The following TEC variants were observed in gnomAD, a reference collection of about 807,000 sequenced individuals.
The protein encoded by TEC is tyrosine-protein kinase Tec.
Under a neutral mutation model 93.0 loss-of-function variants are expected in TEC, and 72 were observed. The observed-to-expected ratio is 0.77, with a 90% CI of 0.64 to 0.94. The LOEUF is 0.94. Among genes scored for constraint, TEC ranks in the 40% least tolerant of loss-of-function variants. The pLI, the probability that TEC is intolerant of heterozygous loss-of-function variation, is 0.00. For missense variants in TEC, 630 were observed against 757.9 expected (o/e 0.83, Z 1.98); for synonymous variants, 249 against 247.7 (o/e 1.01, Z -0.05).
rs150273344 is a variant in TEC, at chr4:48,150,895, C to T, written c.840G>A (p.Leu280=). The change falls in exon 10 of 18, where the codon TTG becomes TTA. Residue 280 remains leucine (L), a synonymous_variant. Coordinates refer to ENST00000381501, the MANE Select transcript of TEC (RefSeq NM_003215.3). ...ACTTGGTATAAAGGGAGACTGTGTACAAGCCTGGTTGACTGGAATCCCTTA... is the reference window on the plus strand; with the variant it reads ...ACTTGGTATAAAGGGAGACTGTGTATAAGCCTGGTTGACTGGAATCCCTTA... ...FMVRDSSQPG[L]YTVSLYTKFG... 3.8e-6 allele frequency: 6 copies of T among 1,587,930 alleles called. No homozygotes were observed. The highest frequency in any genetic ancestry group is 5.1e-6 in the Non-Finnish European group (6 of 1,168,666).
chr4:48,216,170 T>G (rs752119899), intron 2 of TEC, among the ~76,000 whole-genome samples: 9 of 151,682 alleles, frequency 5.9e-5, no homozygotes, highest in Non-Finnish European at 1.2e-4. Context: ...CTGCATTGAA[T>G]GGACTCTCTC....
rs117445750 is a variant in TEC at position 48,223,502 on chromosome 4, T to C, written c.138+4975A>G. Among the ~76,000 whole-genome samples, 359 of 152,344 alleles carry C rather than the reference T, an allele frequency of 2.4e-3. 5 individuals are homozygous for C. In the East Asian group the frequency reaches 0.037, roughly 16 times the overall value. Reference sequence around the variant, plus strand: ...GCAGGTTTTTAATTTTTCTAAGCCTTAGTTCTGCATTTTGAAATTAAGTCT... The same window carrying C: ...GCAGGTTTTTAATTTTTCTAAGCCTCAGTTCTGCATTTTGAAATTAAGTCT... On this transcript the variant is annotated intron_variant, in intron 2 of 17. Transcript: ENST00000381501.
At chr4:48,263,788 G>C (rs1041644149) in intron 1 of TEC, among the ~76,000 whole-genome samples, 18 of 152,156 alleles carry the variant, frequency 1.2e-4, no homozygotes, top group African/African-American at 4.1e-4. Context: ...TAAGATATAG[G>C]TTTTGCCCCC....
chr4:48,205,912 T>A (rs536196025), intron 2 of TEC, among the ~76,000 whole-genome samples: 1 of 152,294 alleles, frequency 6.6e-6, no homozygotes, highest in South Asian at 2.1e-4. Flanking sequence ...CTATTTCCAG[T>A]AGCCAAAAGG....
intron 2 of TEC, among the ~76,000 whole-genome samples, chr4:48,196,200 G>T (rs936128794): frequency 1.3e-5 from 2 of 152,176 alleles, no homozygotes; most frequent in Admixed American, 6.5e-5. Flanking sequence ...GAGTGGGGAA[G>T]ATCCCTACTC....
intron 14 of TEC, 146 bp downstream of exon 14, chr4:48,144,933 G>T: frequency 1.5e-6 from 1 of 675,714 alleles, no homozygotes; most frequent in Non-Finnish European, 2.6e-6. Flanking sequence ...AAAATTACAG[G>T]GCAAGTTAAA....
At chr4:48,162,004 T>C (rs902071611) in intron 8 of TEC, among the ~76,000 whole-genome samples, 6 of 152,326 alleles carry the variant, frequency 3.9e-5, no homozygotes, top group African/African-American at 1.2e-4. Context: ...CAGCTTGTGA[T>C]CGTGAGTCAG....
intron 1 of TEC, among the ~76,000 whole-genome samples, chr4:48,229,541 C>T (rs1345826946): frequency 7.9e-5 from 12 of 152,242 alleles, no homozygotes; most frequent in African/African-American, 2.9e-4. Flanking sequence ...GTTATCCCAG[C>T]ACTTTGGGCA....
chr4:48,233,027 A>G (rs1324681796), intron 1 of TEC, among the ~76,000 whole-genome samples: 1 of 152,176 alleles, frequency 6.6e-6, no homozygotes, highest in Admixed American at 6.5e-5. Context: ...CCTGGAAGAA[A>G]ACTAGAGGTT....
At chr4:48,146,753 T>C (rs1253595420) in intron 11 of TEC, among the ~76,000 whole-genome samples, 1 of 152,190 alleles carries the variant, frequency 6.6e-6, no homozygotes, top group Non-Finnish European at 1.5e-5. Context: ...TGACTCAGTA[T>C]TAGCAATCTT....
intron 2 of TEC, among the ~76,000 whole-genome samples, chr4:48,192,665 G>A (rs540532273): frequency 6.2e-4 from 95 of 152,210 alleles, no homozygotes; most frequent in African/African-American, 2.1e-3. Flanking sequence ...AAAAAAATGA[G>A]TAGAAAGATT....
At position 48,187,155 on chromosome 4, in the gene TEC, A is replaced by C. The variant is rs370054511; in HGVS notation, c.139-10969T>G. On this transcript the variant is annotated intron_variant, in intron 2 of 17. Transcript: ENST00000381501. ...CCCCCAACCCGGTGCTCTCTGAAAC[A>C]TGTGCTGTGTCCACTCAGGGTTAAA... Among the ~76,000 whole-genome samples, 136 of 152,320 alleles carry C rather than the reference A, an allele frequency of 8.9e-4. 1 individual carries two copies. The East Asian group carries it at 0.023, about 25-fold the overall frequency.
chr4:48,245,130 T>A (rs1724019844), intron 1 of TEC, among the ~76,000 whole-genome samples: 1 of 151,982 alleles, frequency 6.6e-6, no homozygotes, highest in African/African-American at 2.4e-5. Context: ...CCATCTCTAC[T>A]AAAAATACAA....
intron 9 of TEC, among the ~76,000 whole-genome samples, chr4:48,153,220 C>CA (rs530426762): frequency 2.5e-3 from 328 of 133,080 alleles, no homozygotes; most frequent in South Asian, 0.015. Context: ...AACTTCAAGC[C>CA]AAAAAAAAAA....
At chr4:48,166,157 G>A (rs1368201210) in intron 7 of TEC, among the ~76,000 whole-genome samples, 2 of 152,170 alleles carry the variant, frequency 1.3e-5, no homozygotes, top group Non-Finnish European at 2.9e-5. Context: ...TGCAAGCCAC[G>A]CAGTAAGAGT....
intron 1 of TEC, among the ~76,000 whole-genome samples, chr4:48,263,390 AAG>A (rs1724547162): frequency 6.6e-6 from 1 of 152,186 alleles, no homozygotes; most frequent in African/African-American, 2.4e-5. Context: ...AGATGGCAGA[AAG>A]AGTCATCCTA....
At chr4:48,223,249 C>T (rs1723324484) in intron 2 of TEC, among the ~76,000 whole-genome samples, 1 of 152,096 alleles carries the variant, frequency 6.6e-6, no homozygotes. Context: ...AATTCTCTTC[C>T]ATCACAAAGA....
chr4:48,182,533 C>CTG (rs1398958542), intron 2 of TEC, among the ~76,000 whole-genome samples: 1 of 71,852 alleles, frequency 1.4e-5, no homozygotes, highest in African/African-American at 6.1e-5. Flanking sequence ...ATGGGCAATA[C>CTG]TCTGTGTGTG....
intron 1 of TEC, among the ~76,000 whole-genome samples, 153 bp downstream of exon 1, chr4:48,269,599 C>G (rs918512968): frequency 5.3e-5 from 8 of 152,262 alleles, no homozygotes; most frequent in African/African-American, 1.9e-4. Flanking sequence ...GGCGCACCCG[C>G]GCTCACTGCG....
Sources: gnomAD v4.1 joint callset for allele counts (sites outside exome capture counted in the v4.1 genomes callset) on GRCh38, gnomAD v4.1.1 for gene constraint, MANE v1.5 for transcripts, NCBI Gene and HGNC (gene_info 2026-07-23, HGNC 2026-07-21) for gene names.